SMTN: variants seen among roughly 807,000 people sequenced by gnomAD.
SMTN encodes the protein smoothelin.
SMTN carries 58 observed loss-of-function variants against 102.0 expected under a neutral mutation model. That is an observed-to-expected ratio of 0.57 (90% CI 0.46 to 0.71). The LOEUF is 0.71. Among genes scored for constraint, SMTN ranks in the 30% least tolerant of loss-of-function variants. The pLI is 0.00. For synonymous variants in SMTN, 478 were observed against 497.9 expected, an observed-to-expected ratio of 0.96 and a Z score of 0.53; for missense variants, 1,185 against 1,241.7, an observed-to-expected ratio of 0.95 and a Z score of 0.69.
At chr22:31,064,393 C>T (rs1214388310) in intron 1 of SMTN, 2 of 152,166 alleles carry the variant, frequency 1.3e-5, no homozygotes, top group Non-Finnish European at 2.9e-5. Context: ...TACAGAGATT[C>T]TAAATGCCAC....
chr22:31,076,159 ACGT>A (rs1394386623), intron 1 of SMTN, among the ~76,000 whole-genome samples: 2 of 152,286 alleles, frequency 1.3e-5, no homozygotes, highest in East Asian at 3.9e-4. Flanking sequence ...TCCAGCCGCC[ACGT>A]CTACACTTGG....
At chr22:31,102,324 A>G (rs1319267329) in intron 20 of SMTN, 1 of 152,204 alleles carries the variant, frequency 6.6e-6, no homozygotes, top group African/African-American at 2.4e-5. Flanking sequence ...CTCCCCACTT[A>G]GTGGCTGTTT....
chr22:31,099,604 G>C (rs930987684), intron 18 of SMTN, 141 bp from the exon 19 acceptor site: 1 of 858,342 alleles, frequency 1.2e-6, no homozygotes, highest in Non-Finnish European at 1.8e-6. Flanking sequence ...GGAGGCTCAT[G>C]TTCCAACTAT....
At chr22:31,068,633 C>T (rs2041922630) in intron 1 of SMTN, among the ~76,000 whole-genome samples, 1 of 152,184 alleles carries the variant, frequency 6.6e-6, no homozygotes, top group African/African-American at 2.4e-5. Context: ...TTTGTGAATC[C>T]AGTGGTTCAT....
intron 18 of SMTN, 123 bp from the exon 19 acceptor site, chr22:31,099,622 T>C (rs1045558420): frequency 5.2e-5 from 52 of 991,962 alleles, no homozygotes; most frequent in Non-Finnish European, 7.5e-5. Flanking sequence ...TATTCACTCA[T>C]TGTGCAAGCT....
At position 31,095,422 on chromosome 22, in the gene SMTN, G is replaced by A; in HGVS notation, c.1752G>A (p.Met584Ile). 6.2e-7 allele frequency: 1 copy of A among 1,614,270 alleles called. No individual in the cohort carries two copies. Among genetic ancestry groups the A allele is most frequent in the Non-Finnish European group, 8.5e-7 (1 of 1,180,056 alleles). ...GCCCTCTGAGCGCTGAGGAGCTGAT[G>A]ACTATTGAGGATGAAGGAGTCTTGG... ...GRSPLSAEELMTIEDEGVLDK... is the reference protein window; with the variant it reads ...GRSPLSAEELITIEDEGVLDK... The change falls in exon 12 of 21, where the codon ATG (methionine) becomes ATA (isoleucine). Residue 584 changes from methionine to isoleucine, a missense_variant. This residue lies in a region of SMTN where 1,096 missense variants were observed against 1,112.7 expected (regional missense o/e 0.98). Coordinates refer to ENST00000333137, the MANE Select transcript of SMTN (RefSeq NM_134269.3). The surrounding 1 kb of genome is among the most constrained non-coding windows in gnomAD (Gnocchi z 4.1).
At position 31,099,793 on chromosome 22, in the gene SMTN, T is replaced by A. The variant is rs1398438216; in HGVS notation, c.2500T>A (p.Phe834Ile). ...CTCCAGCTGGAGTGATGGGATGGCCTTCTGTGCCCTGGTGCACAACTTCTT... is the reference window on the plus strand; with the variant it reads ...CTCCAGCTGGAGTGATGGGATGGCCATCTGTGCCCTGGTGCACAACTTCTT... ...FSSSWSDGMA[F>I]CALVHNFFPE... Residue 834 changes from phenylalanine (F) to isoleucine (I), a missense_variant, in exon 19 of 21, where the codon TTC becomes ATC. Transcript: ENST00000333137. The A allele has an allele frequency of 2.5e-6, 4 of 1,614,114 alleles. No homozygotes were observed. Among genetic ancestry groups the A allele is most frequent in the African/African-American group, 1.3e-5 (1 of 75,052 alleles).
At chr22:31,073,155 C>T (rs13057068) in intron 1 of SMTN, among the ~76,000 whole-genome samples, 35,190 of 151,480 alleles carry the variant, frequency 0.23, 5,363 homozygotes, top group African/African-American at 0.44. Context: ...AGTGGGATTA[C>T]AGGCATGCAC....
chr22:31,082,882 T>C (rs764988366), intron 1 of SMTN: 1 of 1,544,926 alleles, frequency 6.5e-7, no homozygotes. Context: ...GGCTTCTCAA[T>C]CCAGGTCCCT....
chr22:31,093,375 C>G (rs2043285400), intron 11 of SMTN: 2 of 380,574 alleles, frequency 5.3e-6, no homozygotes, highest in Admixed American at 3.8e-5. Flanking sequence ...TGCAAAGACT[C>G]AGACACTCAG....
chr22:31,088,415 C>G, intron 3 of SMTN, 98 bp from the exon 4 acceptor site: 1 of 1,093,778 alleles, frequency 9.1e-7, no homozygotes, highest in African/African-American at 1.6e-5. Flanking sequence ...TGCCCTTCTG[C>G]CAAGGTTCTG....
upstream of SMTN, among the ~76,000 whole-genome samples, chr22:31,079,962 C>T (rs1347863175): frequency 7.2e-5 from 11 of 152,126 alleles, no homozygotes; most frequent in South Asian, 1.9e-3. Context: ...GGGTTTTTGC[C>T]GTGTTGGCCA....
chr22:31,095,798 T>C lies in SMTN; in HGVS notation c.1861+189T>C. 1.7e-6 allele frequency: 1 copy of C among 602,166 alleles called. No individual in the cohort carries two copies. Among genetic ancestry groups the C allele is most frequent in the Non-Finnish European group, 2.9e-6 (1 of 340,868 alleles). The allele number at this position is 602,166 out of a possible 1,614,324, so 37.3% of individuals were successfully genotyped here. ...GCTGCTCCTTCCCTAGCTCCTTCTCTCCCGCTGGTGACCCCAGTTATTCTC... is the reference window on the plus strand; with the variant it reads ...GCTGCTCCTTCCCTAGCTCCTTCTCCCCCGCTGGTGACCCCAGTTATTCTC... On this transcript the variant is annotated intron_variant, in intron 13 of 20. Coordinates refer to ENST00000333137, the MANE Select transcript of SMTN (RefSeq NM_134269.3). This position sits in a 1 kb window ranked among gnomAD's most constrained non-coding sequence, Gnocchi z 4.1.
At chr22:31,099,280 T>A in intron 18 of SMTN, 101 bp downstream of exon 18, 1 of 744,482 alleles carries the variant, frequency 1.3e-6, no homozygotes, top group Non-Finnish European at 2.2e-6. Flanking sequence ...TTCCTGCCAC[T>A]GTGTGGCCTC....
At chr22:31,070,641 C>T (rs1164079853) in intron 1 of SMTN, among the ~76,000 whole-genome samples, 2 of 151,984 alleles carry the variant, frequency 1.3e-5, no homozygotes, top group African/African-American at 4.8e-5. Context: ...TTATTTAAGC[C>T]AGCCGGGCAC....
At chr22:31,100,025 TC>T in intron 19 of SMTN, 129 bp downstream of exon 19, 1 of 882,970 alleles carries the variant, frequency 1.1e-6, no homozygotes. Flanking sequence ...GAGACCCCCT[TC>T]CCCAGAGAGT....
intron 11 of SMTN, chr22:31,093,357 G>A (rs916380225): frequency 4.4e-5 from 15 of 343,602 alleles, no homozygotes; most frequent in Admixed American, 1.6e-4. Context: ...CTTTGCCCTC[G>A]GACCAGCTGC....
At chr22:31,082,720 G>T in intron 1 of SMTN, 1 of 709,514 alleles carries the variant, frequency 1.4e-6, no homozygotes, top group Middle Eastern at 3.8e-4. Context: ...GTGGCAGCAA[G>T]AACTACGGGT....
chr22:31,103,304 A>G (rs1414227300), intron 20 of SMTN: 2 of 152,268 alleles, frequency 1.3e-5, no homozygotes, highest in African/African-American at 4.8e-5. Context: ...AATGCTTGCT[A>G]TGTCCCAGGT....
Sources: allele counts gnomAD v4.1 joint callset (sites outside exome capture counted in the v4.1 genomes callset), GRCh38; gene constraint gnomAD v4.1.1; regional missense constraint gnomAD v4.1.1; non-coding constraint Gnocchi (gnomAD v3.1); transcripts MANE v1.5; gene names NCBI Gene and HGNC (gene_info 2026-07-23, HGNC 2026-07-21).